The following SLC35F1 variants were observed in gnomAD, a reference collection of about 807,000 sequenced individuals.
SLC35F1 encodes chromosome 6 open reading frame 169.
A neutral mutation model predicts 48.7 loss-of-function variants in SLC35F1; 14 were observed. That is an observed-to-expected ratio of 0.29 (90% CI 0.19 to 0.45). SLC35F1 has a LOEUF of 0.45. Ranked by LOEUF, SLC35F1 falls within the 20% of genes least tolerant of loss-of-function variation. The pLI is 1.00. For missense variants in SLC35F1, 404 were observed against 500.0 expected (o/e 0.81, Z 1.83); for synonymous variants, 190 against 202.2 (o/e 0.94, Z 0.51).
At chr6:118,022,342 A>C (rs1436284693) in intron 1 of SLC35F1, among the ~76,000 whole-genome samples, 1 of 152,204 alleles carries the variant, frequency 6.6e-6, no homozygotes, top group Non-Finnish European at 1.5e-5. Context: ...AACACATGTG[A>C]ACAGACTCAA....
At chr6:118,173,385 T>TAAAAAAAAAA (rs571653145) in intron 2 of SLC35F1, among the ~76,000 whole-genome samples, 5 of 129,304 alleles carry the variant, frequency 3.9e-5, no homozygotes, top group African/African-American at 1.7e-4. Flanking sequence ...AAGAGTTAGT[T>TAAAAAAAAAA]AAAAAAAAAA....
chr6:118,140,446 T>C (rs1243284864), intron 1 of SLC35F1, among the ~76,000 whole-genome samples: 1 of 152,220 alleles, frequency 6.6e-6, no homozygotes, highest in Non-Finnish European at 1.5e-5. Context: ...CAAACTTCTA[T>C]GCTGGCAGTC....
In SLC35F1 at chr6:118,088,206, C is replaced by G. The variant is rs138515959; in HGVS notation, c.174-66239C>G. 5.4e-3 allele frequency among the ~76,000 whole-genome samples: 819 copies of G among 152,182 alleles called. 9 individuals are homozygous for G. The highest frequency in any genetic ancestry group is 0.018 in the African/African-American group (751 of 41,518). ...GATCTCACACAAAGAACTATTTATT[C>G]CTAGCACTAATTTCACATTTATTTA... is the stretch of plus-strand genomic sequence containing the variant. On this transcript the variant is annotated intron_variant, in intron 1 of 7. Transcript: ENST00000360388.
intron 1 of SLC35F1, among the ~76,000 whole-genome samples, chr6:118,094,196 T>G (rs976328244): frequency 2.0e-5 from 3 of 151,916 alleles, no homozygotes; most frequent in African/African-American, 7.3e-5. Context: ...AGTCCTTGAG[T>G]AAATGAGAGA....
At chr6:118,011,846 T>G (rs1461368623) in intron 1 of SLC35F1, among the ~76,000 whole-genome samples, 1 of 152,158 alleles carries the variant, frequency 6.6e-6, no homozygotes, top group Non-Finnish European at 1.5e-5. Flanking sequence ...TCAATAGTCC[T>G]GTAGTTGAAA....
chr6:118,279,256 C>T (rs991178849), intron 6 of SLC35F1, among the ~76,000 whole-genome samples: 32 of 152,264 alleles, frequency 2.1e-4, no homozygotes, highest in African/African-American at 7.7e-4. Flanking sequence ...ATGTATCAAA[C>T]TATCACATGT....
intron 2 of SLC35F1, among the ~76,000 whole-genome samples, chr6:118,201,268 C>T (rs1041758096): frequency 6.6e-6 from 1 of 152,044 alleles, no homozygotes; most frequent in African/African-American, 2.4e-5. Flanking sequence ...AGATCAGGTA[C>T]ACAGCCACCC....
chr6:118,293,793 G>C (rs78821817), intron 7 of SLC35F1, among the ~76,000 whole-genome samples: 377 of 152,326 alleles, frequency 2.5e-3, no homozygotes, highest in Middle Eastern at 0.024. Context: ...TATCTTGCTA[G>C]TATGTGATTT....
intron 1 of SLC35F1, among the ~76,000 whole-genome samples, chr6:118,150,990 A>G (rs538281347): frequency 2.6e-4 from 39 of 152,300 alleles, no homozygotes; most frequent in Non-Finnish European, 4.7e-4. Context: ...CCACTCAACC[A>G]AAACTCTTAA....
At chr6:118,102,407 C>T (rs1773271177) in intron 1 of SLC35F1, among the ~76,000 whole-genome samples, 2 of 152,256 alleles carry the variant, frequency 1.3e-5, no homozygotes, top group Admixed American at 6.5e-5. Context: ...TGATCTTGAA[C>T]TTCTGGGCTC....
intron 1 of SLC35F1, among the ~76,000 whole-genome samples, chr6:117,981,759 A>G (rs1334005445): frequency 1.3e-5 from 2 of 152,234 alleles, no homozygotes; most frequent in Middle Eastern, 3.2e-3. Flanking sequence ...CTGTTAAACT[A>G]TGTAACAGTG....
intron 3 of SLC35F1, among the ~76,000 whole-genome samples, chr6:118,252,546 T>C (rs937865349): frequency 1.3e-5 from 2 of 152,080 alleles, no homozygotes; most frequent in African/African-American, 4.8e-5. Context: ...GAGTTTCCTG[T>C]TAGACATCCA....
chr6:118,027,595 T>C (rs1361709306), intron 1 of SLC35F1, among the ~76,000 whole-genome samples: 1 of 152,098 alleles, frequency 6.6e-6, no homozygotes, highest in East Asian at 1.9e-4. Context: ...TCTGGCAAAG[T>C]AACTGTCAAA....
At chr6:117,907,958 G>T (rs1582555001) in intron 1 of SLC35F1, 59 bp downstream of exon 1, 6 of 1,285,882 alleles carry the variant, frequency 4.7e-6, no homozygotes, top group Non-Finnish European at 5.9e-6. Context: ...CCCGGCTCCG[G>T]GTCCCCTCCG....
intron 5 of SLC35F1, among the ~76,000 whole-genome samples, chr6:118,276,032 A>G (rs1775914289): frequency 1.3e-5 from 2 of 152,212 alleles, no homozygotes; most frequent in South Asian, 4.1e-4. Flanking sequence ...CCCTTTTATA[A>G]ATGTGTGATT....
At chr6:117,978,733 G>A (rs1776735919) in intron 1 of SLC35F1, among the ~76,000 whole-genome samples, 1 of 152,052 alleles carries the variant, frequency 6.6e-6, no homozygotes, top group African/African-American at 2.4e-5. Context: ...CTCATCTAGA[G>A]TTGTCAGATT....
At chr6:118,059,975 G>T (rs1053970830) in intron 1 of SLC35F1, among the ~76,000 whole-genome samples, 4 of 152,184 alleles carry the variant, frequency 2.6e-5, no homozygotes, top group African/African-American at 7.2e-5. Flanking sequence ...AATAAGCATG[G>T]TTTGTATCTT....
chr6:118,085,150 G>A (rs1772968547), intron 1 of SLC35F1, among the ~76,000 whole-genome samples: 1 of 152,076 alleles, frequency 6.6e-6, no homozygotes, highest in Non-Finnish European at 1.5e-5. Context: ...TGCAGGAGCT[G>A]CCAAGACTCT....
chr6:118,257,516 C>G (rs1775661063), intron 3 of SLC35F1, among the ~76,000 whole-genome samples: 1 of 152,142 alleles, frequency 6.6e-6, no homozygotes, highest in South Asian at 2.1e-4. Context: ...TGTTTGATCT[C>G]CATTGGTTCT....
Sources: gnomAD v4.1 joint callset for allele counts (sites outside exome capture counted in the v4.1 genomes callset) on GRCh38, gnomAD v4.1.1 for gene constraint, MANE v1.5 for transcripts, NCBI Gene and HGNC (gene_info 2026-07-23, HGNC 2026-07-21) for gene names.